Variants in FNDC3B observed in about 807,000 individuals in gnomAD.
FNDC3B encodes the protein fibronectin type III domain containing 3B.
In FNDC3B, 12 loss-of-function variants were observed where a neutral mutation model predicts 151.5. The observed-to-expected ratio is 0.08, with a 90% confidence interval of 0.05 to 0.13. FNDC3B has a LOEUF of 0.13. FNDC3B is among the 10% of genes least tolerant of loss of function. FNDC3B has a pLI of 1.00. For missense variants in FNDC3B, 1,214 were observed against 1,505.3 expected, an observed-to-expected ratio of 0.81 and a Z score of 3.20; for synonymous variants, 528 against 549.0, an observed-to-expected ratio of 0.96 and a Z score of 0.54.
chr3:172,192,055 A>T (rs1407189108), intron 3 of FNDC3B, among the ~76,000 whole-genome samples: 1 of 152,164 alleles, frequency 6.6e-6, no homozygotes, highest in Non-Finnish European at 1.5e-5. Context: ...TTCAGAGGAT[A>T]GGAAACTCAA....
At position 172,211,181 on chromosome 3, in the gene FNDC3B, C is replaced by T. The variant is rs115097979; in HGVS notation, c.188-15690C>T. On this transcript the variant is annotated intron_variant, in intron 3 of 25. Transcript: ENST00000415807. ...ATGACTCATAACATAAATGTAAAAA[C>T]GTAGGTTTTTAAGCAGTGAGTACAG... 4.3e-3 allele frequency among the ~76,000 whole-genome samples: 661 copies of T among 152,126 alleles called. 5 individuals carry two copies. The highest frequency in any genetic ancestry group is 0.015 in the African/African-American group (626 of 41,494).
At chr3:172,201,695 A>G (rs1725164210) in intron 3 of FNDC3B, among the ~76,000 whole-genome samples, 2 of 152,222 alleles carry the variant, frequency 1.3e-5, no homozygotes. Context: ...CTCCAACTCC[A>G]GACCATGGCG....
chr3:172,114,359 A>G (rs950354517), intron 2 of FNDC3B, among the ~76,000 whole-genome samples: 2 of 152,186 alleles, frequency 1.3e-5, no homozygotes, highest in African/African-American at 4.8e-5. Context: ...ATGTGAGTAA[A>G]CTTGGAAAAT....
intron 1 of FNDC3B, among the ~76,000 whole-genome samples, chr3:172,093,988 T>A (rs1271815055): frequency 2.6e-5 from 4 of 152,228 alleles, no homozygotes; most frequent in African/African-American, 9.7e-5. Flanking sequence ...CATGTCGTTA[T>A]GCAACCACCA....
intron 11 of FNDC3B, among the ~76,000 whole-genome samples, chr3:172,326,046 G>A (rs556448163): frequency 4.6e-5 from 7 of 152,168 alleles, no homozygotes; most frequent in East Asian, 3.9e-4. Context: ...GGCTGGTTTC[G>A]AACTCCTGAC....
intron 3 of FNDC3B, among the ~76,000 whole-genome samples, chr3:172,168,144 T>G (rs571550857): frequency 9.2e-5 from 14 of 152,344 alleles, no homozygotes; most frequent in Admixed American, 4.6e-4. Flanking sequence ...GTATGCACTT[T>G]TTACCCTCAC....
chr3:172,123,953 G>A (rs1223526334), intron 2 of FNDC3B, among the ~76,000 whole-genome samples: 2 of 152,180 alleles, frequency 1.3e-5, no homozygotes, highest in Non-Finnish European at 2.9e-5. Context: ...GGAGTTGGGT[G>A]TTAGGAGACA....
chr3:172,248,050 T>G (rs547962029), intron 5 of FNDC3B, among the ~76,000 whole-genome samples: 8 of 152,314 alleles, frequency 5.3e-5, no homozygotes, highest in Admixed American at 5.2e-4. Flanking sequence ...CCACCTTTTA[T>G]TTTAGAAAAG....
intron 1 of FNDC3B, among the ~76,000 whole-genome samples, chr3:172,050,311 C>G (rs1184417975): frequency 6.6e-6 from 1 of 152,080 alleles, no homozygotes; most frequent in Non-Finnish European, 1.5e-5. Flanking sequence ...ACCATTCATT[C>G]CAGAACTCCT....
chr3:172,190,972 T>C (rs1411731051), intron 3 of FNDC3B, among the ~76,000 whole-genome samples: 1 of 152,200 alleles, frequency 6.6e-6, no homozygotes, highest in Non-Finnish European at 1.5e-5. Flanking sequence ...CCCAGCCCCA[T>C]TGTGTCTTTT....
At chr3:172,222,355 A>G (rs1269579378) in intron 3 of FNDC3B, among the ~76,000 whole-genome samples, 1 of 152,190 alleles carries the variant, frequency 6.6e-6, no homozygotes, top group Non-Finnish European at 1.5e-5. Context: ...GATGATTTGT[A>G]CCCTGGATTC....
rs145104727 is a variant in FNDC3B at position 172,173,618 on chromosome 3, G to C, written c.187+40072G>C. Among the ~76,000 whole-genome samples the C allele has an allele frequency of 1.3e-3, 185 of 138,060 alleles. 1 individual carries two copies. Among genetic ancestry groups the C allele is most frequent in the African/African-American group, 4.9e-3 (179 of 36,566 alleles). 90.6% of individuals were successfully genotyped at this position (138,060 alleles called of 152,430 possible). ...GAGACCAGCCTGGGCAACATAATGA[G>C]ACTTTGTCTCTACAAAAAAAAAAAA... On this transcript the variant is annotated intron_variant, in intron 3 of 25. Coordinates refer to ENST00000415807, the MANE Select transcript of FNDC3B (RefSeq NM_022763.4).
At chr3:172,090,481 G>C (rs973198307) in intron 1 of FNDC3B, among the ~76,000 whole-genome samples, 2 of 152,120 alleles carry the variant, frequency 1.3e-5, no homozygotes, top group Non-Finnish European at 2.9e-5. Context: ...CTTGTGCTTA[G>C]GAACACAGAA....
At chr3:172,276,705 C>G (rs1729450603) in intron 6 of FNDC3B, among the ~76,000 whole-genome samples, 1 of 152,182 alleles carries the variant, frequency 6.6e-6, no homozygotes, top group Admixed American at 6.5e-5. Context: ...GGAAGTATAT[C>G]TGTAAACAAT....
chr3:172,216,986 A>G (rs1350229025), intron 3 of FNDC3B, among the ~76,000 whole-genome samples: 1 of 152,176 alleles, frequency 6.6e-6, no homozygotes. Context: ...GCCTGACTCC[A>G]TGCTGAGATA....
At chr3:172,140,796 G>T (rs1721589524) in intron 3 of FNDC3B, among the ~76,000 whole-genome samples, 1 of 152,098 alleles carries the variant, frequency 6.6e-6, no homozygotes, top group Non-Finnish European at 1.5e-5. Flanking sequence ...AGGTACTCAG[G>T]GTATATGCTG....
intron 4 of FNDC3B, among the ~76,000 whole-genome samples, chr3:172,231,006 A>G (rs1269263543): frequency 6.6e-6 from 1 of 152,214 alleles, no homozygotes; most frequent in Non-Finnish European, 1.5e-5. Flanking sequence ...TTGTACAGGA[A>G]TGTTCATAGG....
At chr3:172,141,211 T>G (rs2108585742) in intron 3 of FNDC3B, among the ~76,000 whole-genome samples, 1 of 152,326 alleles carries the variant, frequency 6.6e-6, no homozygotes, top group South Asian at 2.1e-4. Context: ...AGAAATCAGT[T>G]GAAATTCTAG....
intron 1 of FNDC3B, among the ~76,000 whole-genome samples, chr3:172,075,027 A>AG (rs1306790241): frequency 1.3e-5 from 2 of 152,206 alleles, no homozygotes; most frequent in African/African-American, 4.8e-5. Context: ...GTTGCCAAAA[A>AG]CATTTTTTTC....
Sources: allele counts gnomAD v4.1 joint callset (sites outside exome capture counted in the v4.1 genomes callset), GRCh38; gene constraint gnomAD v4.1.1; transcripts MANE v1.5; gene names NCBI Gene and HGNC (gene_info 2026-07-23, HGNC 2026-07-21).